The following CCNH variants were observed in gnomAD, a reference collection of about 807,000 sequenced individuals.
CCNH encodes the protein cyclin H, also known as cyclin-H.
In CCNH, 31 loss-of-function variants were observed where a neutral mutation model predicts 41.9. That is an observed-to-expected ratio of 0.74 (90% CI 0.56 to 1.00). CCNH has a LOEUF of 1.00. Ranked by LOEUF, CCNH falls within the 50% of genes least tolerant of loss-of-function variation. CCNH has a pLI of 0.00. For synonymous variants in CCNH, 138 were observed against 136.1 expected (o/e 1.01, Z -0.10); for missense variants, 362 against 388.4 (o/e 0.93, Z 0.57).
the CCNH span, among the ~76,000 whole-genome samples, chr5:87,311,616 T>C: frequency 6.6e-6 from 1 of 152,216 alleles, no homozygotes. Context: ...GAGACAGTGC[T>C]TAACTGCCGC....
At chr5:87,399,264 A>G in intron 7 of CCNH, 130 bp downstream of exon 7, 1 of 701,580 alleles carries the variant, frequency 1.4e-6, no homozygotes, top group Non-Finnish European at 2.5e-6. Flanking sequence ...ATGTCCATTC[A>G]ATAAAGAAAA....
chr5:87,383,642 T>C, intron 9 of CCNH: 1 of 1,179,052 alleles, frequency 8.5e-7, no homozygotes, highest in Non-Finnish European at 1.2e-6. Flanking sequence ...TGTTTATATA[T>C]ATTGTTTTAA....
intron 6 of CCNH, among the ~76,000 whole-genome samples, chr5:87,401,344 A>C (rs568954273): frequency 6.6e-6 from 1 of 152,352 alleles, no homozygotes; most frequent in Admixed American, 6.5e-5. Flanking sequence ...TTTATCTACA[A>C]AATAGAAGTT....
intron 8 of CCNH, chr5:87,394,734 G>A (rs1561340948): frequency 7.5e-7 from 1 of 1,326,008 alleles, no homozygotes; most frequent in Non-Finnish European, 9.6e-7. Flanking sequence ...TTGACAGATA[G>A]AAAATTTTTT....
At chr5:87,356,436 C>T (rs1759656975) in intron 9 of CCNH, among the ~76,000 whole-genome samples, 1 of 150,246 alleles carries the variant, frequency 6.7e-6, no homozygotes, top group African/African-American at 2.5e-5. Flanking sequence ...GTGGCTGAGG[C>T]TGGAGTACAG....
At chr5:87,380,938 G>A (rs1761669146), upstream of CCNH, among the ~76,000 whole-genome samples, 2 of 152,160 alleles carry the variant, frequency 1.3e-5, no homozygotes, top group Admixed American at 6.5e-5. Context: ...AGAGAGAAGG[G>A]CAGTAATTGA....
At chr5:87,405,953 T>C (rs1442688586) in intron 4 of CCNH, among the ~76,000 whole-genome samples, 1 of 152,154 alleles carries the variant, frequency 6.6e-6, no homozygotes, top group African/African-American at 2.4e-5. Context: ...CTCATGTTCA[T>C]TGACCTCAGC....
upstream of CCNH, chr5:87,378,626 T>C (rs962341935): frequency 1.5e-6 from 2 of 1,338,618 alleles, no homozygotes; most frequent in Non-Finnish European, 2.1e-6. Context: ...TTAAGGAAAA[T>C]ATATTAAATT....
intron 9 of CCNH, among the ~76,000 whole-genome samples, chr5:87,351,348 G>A (rs1230150583): frequency 6.6e-6 from 1 of 151,718 alleles, no homozygotes; most frequent in Admixed American, 6.6e-5. Flanking sequence ...AGAAAGTATG[G>A]TATGCAGAAT....
At chr5:87,379,571 G>A (rs1427211045), upstream of CCNH, among the ~76,000 whole-genome samples, 1 of 152,130 alleles carries the variant, frequency 6.6e-6, no homozygotes, top group Non-Finnish European at 1.5e-5. Flanking sequence ...GAGTTCCATA[G>A]AGAAAACTAC....
chr5:87,376,351 T>C (rs1437840139), exon 1 of CCNH: 3 of 1,606,904 alleles, frequency 1.9e-6, no homozygotes, highest in Non-Finnish European at 1.7e-6. Context: ...CTAATTATCG[T>C]GTTCTCTTTT....
intron 6 of CCNH, 110 bp downstream of exon 6, chr5:87,401,587 TGAAAA>T: frequency 1.5e-6 from 1 of 685,760 alleles, no homozygotes; most frequent in South Asian, 1.8e-5. Flanking sequence ...AGTAATTCAA[TGAAAA>T]GAAATCTAAA....
downstream of CCNH, chr5:87,394,176 A>C (rs1762733132): frequency 3.2e-6 from 3 of 923,658 alleles, no homozygotes; most frequent in Non-Finnish European, 4.1e-6. Flanking sequence ...AGGTTTGCCT[A>C]TCATATTTTG....
intron 9 of CCNH, among the ~76,000 whole-genome samples, chr5:87,326,375 T>C (rs1302881107): frequency 1.3e-5 from 2 of 152,158 alleles, no homozygotes; most frequent in Non-Finnish European, 2.9e-5. Context: ...AGTTTCATCT[T>C]AGATGTATGA....
At chr5:87,400,536 A>G (rs1461886921) in intron 6 of CCNH, among the ~76,000 whole-genome samples, 1 of 152,220 alleles carries the variant, frequency 6.6e-6, no homozygotes, top group East Asian at 1.9e-4. Context: ...TGGTATAACT[A>G]AAGACCTACA....
downstream of CCNH, chr5:87,390,899 T>C (rs770822619): frequency 5.3e-5 from 85 of 1,590,250 alleles, no homozygotes; most frequent in Non-Finnish European, 7.0e-5. Flanking sequence ...TTCGCCCCAG[T>C]GTTCTGCATG....
At chr5:87,335,019 A>G (rs1188065531) in intron 9 of CCNH, among the ~76,000 whole-genome samples, 1 of 152,080 alleles carries the variant, frequency 6.6e-6, no homozygotes, top group Non-Finnish European at 1.5e-5. Flanking sequence ...AGCAGCTGGA[A>G]TTACAGGCGT....
intron 9 of CCNH, among the ~76,000 whole-genome samples, chr5:87,357,935 T>TATA (rs1353582048): frequency 6.6e-6 from 1 of 152,176 alleles, no homozygotes; most frequent in Non-Finnish European, 1.5e-5. Flanking sequence ...CAGAAACTAT[T>TATA]AAGTGCTATT....
intron 4 of CCNH, among the ~76,000 whole-genome samples, chr5:87,407,621 A>G (rs889405233): frequency 6.6e-6 from 1 of 152,198 alleles, no homozygotes; most frequent in African/African-American, 2.4e-5. Context: ...ATCCATGACA[A>G]TATAATTCAA....
Sources: allele counts gnomAD v4.1 joint callset (sites outside exome capture counted in the v4.1 genomes callset), GRCh38; gene constraint gnomAD v4.1.1; transcripts MANE v1.5; gene names NCBI Gene and HGNC (gene_info 2026-07-23, HGNC 2026-07-21).